Variants in C1orf185 observed in about 807,000 individuals in gnomAD.
C1orf185 encodes the protein chromosome 1 open reading frame 185, also known as uncharacterized protein C1orf185.
A neutral mutation model predicts 16.1 loss-of-function variants in C1orf185; 13 were observed. That is an observed-to-expected ratio of 0.81 (90% CI 0.53 to 1.28). The LOEUF is 1.28. Among genes scored for constraint, C1orf185 ranks in the 50% most tolerant of loss-of-function variants. C1orf185 has a pLI of 0.00. For missense variants in C1orf185, 220 were observed against 225.2 expected (o/e 0.98, Z 0.15); for synonymous variants, 80 against 76.9 (o/e 1.04, Z -0.21).
At chr1:51,109,569 C>T (rs1208733172) in intron 1 of C1orf185, among the ~76,000 whole-genome samples, 2 of 151,456 alleles carry the variant, frequency 1.3e-5, no homozygotes, top group East Asian at 1.9e-4. Context: ...GTCTTTAATC[C>T]ATTTTGAGTT....
intron 3 of C1orf185, among the ~76,000 whole-genome samples, chr1:51,140,176 C>T (rs1024046240): frequency 1.3e-5 from 2 of 152,296 alleles, no homozygotes; most frequent in Middle Eastern, 3.4e-3. Context: ...TGATCACTTT[C>T]GTTGTCTCAC....
chr1:51,115,519 T>C (rs1310042534), intron 2 of C1orf185, among the ~76,000 whole-genome samples: 1 of 152,196 alleles, frequency 6.6e-6, no homozygotes. Context: ...TATTCTTGTA[T>C]AAATCTTGTA....
chr1:51,106,169 T>A (rs1363203000), intron 1 of C1orf185, among the ~76,000 whole-genome samples: 2 of 152,136 alleles, frequency 1.3e-5, no homozygotes, highest in African/African-American at 4.8e-5. Flanking sequence ...CAAGGAGACT[T>A]GTAATATCTA....
chr1:51,145,734 G>A lies in C1orf185; in HGVS notation c.269G>A (p.Arg90Lys). Residue 90 changes from arginine (R) to lysine (K), a missense_variant, in exon 4 of 5, where the codon AGA becomes AAA. Physicochemically the swap from Arg to Lys is conservative, Grantham distance 26 (BLOSUM62 2). Transcript: ENST00000371759. ...CTTTTTTTAATGTAGGAGGAGCAAAGAAAAAAGGAAGCAGCACATATAAAA... is the reference window on the plus strand; with the variant it reads ...CTTTTTTTAATGTAGGAGGAGCAAAAAAAAAAGGAAGCAGCACATATAAAA... ...TGRFQLQEEQ[R>K]KKEAAHIKAI... is the part of the protein sequence containing the mutation. The A allele has an allele frequency of 1.5e-6, 2 of 1,309,270 alleles. No homozygotes were observed. Among genetic ancestry groups the A allele is most frequent in the East Asian group, 2.7e-5 (1 of 36,652 alleles). 81.1% of individuals were successfully genotyped at this position (1,309,270 alleles called of 1,614,324 possible).
chr1:51,112,185 G>A (rs1344741516), intron 1 of C1orf185, among the ~76,000 whole-genome samples: 1 of 152,070 alleles, frequency 6.6e-6, no homozygotes, highest in African/African-American at 2.4e-5. Context: ...TAACAAGGTG[G>A]TGGCAGCTGT....
intron 3 of C1orf185, among the ~76,000 whole-genome samples, chr1:51,137,094 A>G (rs182651067): frequency 2.8e-3 from 426 of 152,312 alleles, no homozygotes; most frequent in Non-Finnish European, 4.4e-3. Flanking sequence ...AAAAGTGAGG[A>G]AAGGACATGA....
intron 1 of C1orf185, among the ~76,000 whole-genome samples, chr1:51,110,729 G>T (rs1294055742): frequency 1.3e-5 from 2 of 152,176 alleles, no homozygotes; most frequent in African/African-American, 2.4e-5. Flanking sequence ...AGCACTGCGG[G>T]AGGCTGAGGT....
At chr1:51,145,624 A>G in intron 3 of C1orf185, 100 bp from the exon 4 acceptor site, 1 of 577,414 alleles carries the variant, frequency 1.7e-6, no homozygotes, top group Non-Finnish European at 2.7e-6. Flanking sequence ...CCATTAAAAA[A>G]TTATAATGTT....
At chr1:51,109,263 T>C (rs1340560690) in intron 1 of C1orf185, among the ~76,000 whole-genome samples, 2 of 152,144 alleles carry the variant, frequency 1.3e-5, no homozygotes, top group Non-Finnish European at 2.9e-5. Flanking sequence ...TTTAATAAGA[T>C]TATGTTTCTT....
intron 4 of C1orf185, 104 bp downstream of exon 4, chr1:51,145,864 T>A (rs1646395482): frequency 1.8e-6 from 1 of 542,174 alleles, no homozygotes; most frequent in East Asian, 4.0e-5. Flanking sequence ...AATATCTTAA[T>A]GGTATGAAAC....
intron 2 of C1orf185, among the ~76,000 whole-genome samples, chr1:51,116,095 T>C (rs1041270262): frequency 2.0e-5 from 3 of 152,134 alleles, no homozygotes; most frequent in Admixed American, 6.5e-5. Flanking sequence ...ACTCAAACTA[T>C]CACTAAATTC....
chr1:51,108,702 A>C (rs984858606), intron 1 of C1orf185, among the ~76,000 whole-genome samples: 2 of 152,060 alleles, frequency 1.3e-5, no homozygotes, highest in African/African-American at 4.8e-5. Context: ...TTCCTGGCTT[A>C]TTTCACTTAT....
chr1:51,136,605 C>A (rs1409073300), intron 3 of C1orf185, among the ~76,000 whole-genome samples: 1 of 152,070 alleles, frequency 6.6e-6, no homozygotes, highest in Non-Finnish European at 1.5e-5. Context: ...GGCCACACAC[C>A]TACAATGATC....
At chr1:51,141,877 G>A (rs1206502154) in intron 3 of C1orf185, among the ~76,000 whole-genome samples, 1 of 151,714 alleles carries the variant, frequency 6.6e-6, no homozygotes, top group African/African-American at 2.4e-5. Flanking sequence ...TGTTGCCCAG[G>A]CTGGAGTGCA....
chr1:51,118,068 C>T (rs1012672769), intron 2 of C1orf185, among the ~76,000 whole-genome samples: 1 of 152,138 alleles, frequency 6.6e-6, no homozygotes, highest in Non-Finnish European at 1.5e-5. Flanking sequence ...CATGTGCTAC[C>T]ATGCCCAGCT....
chr1:51,136,556 G>A (rs934129949), intron 3 of C1orf185, among the ~76,000 whole-genome samples: 2 of 151,900 alleles, frequency 1.3e-5, no homozygotes, highest in East Asian at 1.9e-4. Context: ...AAAAACAGAC[G>A]CATAGATCAA....
intron 3 of C1orf185, among the ~76,000 whole-genome samples, chr1:51,135,787 G>C (rs1646319573): frequency 6.6e-6 from 1 of 152,086 alleles, no homozygotes; most frequent in South Asian, 2.1e-4. Context: ...ATTCAACATA[G>C]TACAGGAAGT....
rs1646406975 is a variant in C1orf185, at chr1:51,147,339, A to G, written c.296-128A>G. 6 of 777,478 alleles carry G rather than the reference A, an allele frequency of 7.7e-6. No individual in the cohort carries two copies. In the South Asian group the frequency reaches 1.1e-4, roughly 15 times the overall value. 48.2% of individuals were successfully genotyped at this position (777,478 alleles called of 1,614,324 possible). ...AAATATTGCTAATTCCTAATTACATATAACACTGTGTGGATGATAGCAACT... is the reference window on the plus strand; with the variant it reads ...AAATATTGCTAATTCCTAATTACATGTAACACTGTGTGGATGATAGCAACT... On this transcript the variant is annotated intron_variant, in intron 4 of 4. Coordinates refer to ENST00000371759, the MANE Select transcript of C1orf185 (RefSeq NM_001136508.2).
intron 3 of C1orf185, among the ~76,000 whole-genome samples, chr1:51,123,054 G>C (rs910894935): frequency 6.6e-6 from 1 of 152,164 alleles, no homozygotes; most frequent in East Asian, 1.9e-4. Context: ...GGCACATCTG[G>C]TGAAAGCCTT....
Sources: gnomAD v4.1 joint callset for allele counts (sites outside exome capture counted in the v4.1 genomes callset) on GRCh38, gnomAD v4.1.1 for gene constraint, MANE v1.5 for transcripts, NCBI Gene and HGNC (gene_info 2026-07-23, HGNC 2026-07-21) for gene names.